The following FYN variants were observed in gnomAD, a reference collection of about 807,000 sequenced individuals.
The protein encoded by FYN is FYN proto-oncogene, Src family tyrosine kinase.
In FYN, 10 loss-of-function variants were observed where a neutral mutation model predicts 70.2. The ratio of observed to expected loss-of-function variants is 0.14; its 90% CI spans 0.09 to 0.24. The LOEUF (loss-of-function observed/expected upper bound fraction) is 0.24, where lower values mean the gene tolerates loss of function less well. FYN is among the 10% of genes least tolerant of loss of function. The pLI is 1.00. For missense variants in FYN, 319 were observed against 673.1 expected (o/e 0.47, Z 5.82); for synonymous variants, 236 against 248.6 (o/e 0.95, Z 0.48).
At chr6:111,665,388 AAGAT>A (rs1320774073) in intron 13 of FYN, among the ~76,000 whole-genome samples, 3 of 152,200 alleles carry the variant, frequency 2.0e-5, no homozygotes, top group African/African-American at 7.2e-5. Flanking sequence ...CACTAACAAA[AAGAT>A]AGGTCTACTT....
chr6:111,737,978 T>C (rs1442534805), intron 3 of FYN, among the ~76,000 whole-genome samples: 1 of 152,234 alleles, frequency 6.6e-6, no homozygotes, highest in Non-Finnish European at 1.5e-5. Context: ...TTTACTTTCC[T>C]GCTAGGCCAG....
At chr6:111,663,982 T>G (rs1797886197) in intron 13 of FYN, among the ~76,000 whole-genome samples, 1 of 152,188 alleles carries the variant, frequency 6.6e-6, no homozygotes, top group African/African-American at 2.4e-5. Context: ...ACCATCAAGT[T>G]TTTGTAACTC....
Position 111,677,312 on chromosome 6 carries a change from T to A in FYN, c.1274-2682A>T, listed in dbSNP as rs563747046. ...TTTTCAAGGAAGACAAAAGGTTAAA[T>A]CAAAGCAGCAATAAGGTATTAATGA... On this transcript the variant is annotated intron_variant, in intron 12 of 13. Transcript: ENST00000354650. Among the ~76,000 whole-genome samples the A allele has an allele frequency of 2.6e-5, 4 of 152,320 alleles. No homozygotes were observed. In the South Asian group the frequency reaches 6.2e-4, roughly 24 times the overall value.
At chr6:111,757,442 G>A (rs556666197) in intron 3 of FYN, among the ~76,000 whole-genome samples, 115 of 152,272 alleles carry the variant, frequency 7.6e-4, no homozygotes, top group Middle Eastern at 3.4e-3. Context: ...AAAATGAGGC[G>A]TTGTAGATGG....
Position 111,694,831 on chromosome 6 carries a change from A to AATAATGC in FYN, c.1043-128_1043-127insGCATTAT. Reference sequence around the variant, plus strand: ...GGAATAATGCCATCCACATGGGGGGACAAAAAGGTTTATATAAAAAAGCAG... The same window carrying AATAATGC: ...GGAATAATGCCATCCACATGGGGGGAATAATGCCAAAAAGGTTTATATAAAAAAGCAG... On this transcript the variant is annotated intron_variant, in intron 10 of 13. Transcript: ENST00000354650. The surrounding 1 kb of genome is among the most constrained non-coding windows in gnomAD (Gnocchi z 5.0). The AATAATGC allele has an allele frequency of 2.7e-6, 2 of 752,520 alleles. No individual in the cohort carries two copies. The highest frequency in any genetic ancestry group is 4.2e-6 in the Non-Finnish European group (2 of 471,424). The allele number at this position is 752,520 out of a possible 1,614,324, so 46.6% of individuals were successfully genotyped here.
intron 5 of FYN, among the ~76,000 whole-genome samples, chr6:111,712,177 C>T (rs1014274890): frequency 1.3e-5 from 2 of 152,208 alleles, no homozygotes; most frequent in East Asian, 1.9e-4. Flanking sequence ...CGCCCTCCAG[C>T]GTAATGCACA....
chr6:111,696,720 C>G lies in FYN; in HGVS notation c.863-264G>C, dbSNP rs967328371. The stretch of plus-strand genomic sequence containing the variant: ...TTAAATTTTGATATATTACCACTCT[C>G]TCTTTTTTTGGCTCAGTCATATGAT... On this transcript the variant is annotated intron_variant, in intron 9 of 13. Transcript: ENST00000354650. 33 of 321,698 alleles carry G rather than the reference C, an allele frequency of 1.0e-4. 1 individual carries two copies. Among genetic ancestry groups the G allele is most frequent in the Non-Finnish European group, 1.1e-5 (2 of 175,354 alleles). 19.9% of individuals were successfully genotyped at this position (321,698 alleles called of 1,614,324 possible).
chr6:111,762,784 G>A (rs1351286261), intron 3 of FYN, among the ~76,000 whole-genome samples: 4 of 151,752 alleles, frequency 2.6e-5, no homozygotes, highest in South Asian at 4.2e-4. Flanking sequence ...CTAATGATAG[G>A]TGATGAGCTT....
intron 2 of FYN, among the ~76,000 whole-genome samples, chr6:111,835,735 A>G (rs1773164273): frequency 6.6e-6 from 1 of 152,212 alleles, no homozygotes; most frequent in Admixed American, 6.5e-5. Context: ...AAGGAAAGGA[A>G]TGTGAGCTGG....
At chr6:111,832,001 C>T (rs911930292) in intron 2 of FYN, among the ~76,000 whole-genome samples, 2 of 152,188 alleles carry the variant, frequency 1.3e-5, no homozygotes, top group African/African-American at 2.4e-5. Context: ...GGACTACACG[C>T]TACACCCAAA....
chr6:111,724,017 GT>G (rs1370031726), intron 3 of FYN, among the ~76,000 whole-genome samples: 2 of 152,302 alleles, frequency 1.3e-5, no homozygotes, highest in Non-Finnish European at 2.9e-5. Flanking sequence ...TGTGATCAAG[GT>G]GTCTGGATTA....
chr6:111,835,029 C>T (rs1348473988), intron 2 of FYN, among the ~76,000 whole-genome samples: 1 of 152,132 alleles, frequency 6.6e-6, no homozygotes, highest in East Asian at 1.9e-4. Context: ...GGTACCATGG[C>T]CTGAATTTAG....
intron 2 of FYN, among the ~76,000 whole-genome samples, chr6:111,796,313 A>G (rs1771802949): frequency 6.6e-6 from 1 of 152,204 alleles, no homozygotes; most frequent in Non-Finnish European, 1.5e-5. Context: ...TACAATGCTG[A>G]TATTTTTTAC....
At chr6:111,729,089 AAT>A (rs1279884479) in intron 3 of FYN, among the ~76,000 whole-genome samples, 4 of 152,218 alleles carry the variant, frequency 2.6e-5, no homozygotes, top group Non-Finnish European at 5.9e-5. Flanking sequence ...CCTTGAAATG[AAT>A]ATGACTCTCT....
At chr6:111,851,888 T>A (rs1291411523) in intron 1 of FYN, among the ~76,000 whole-genome samples, 2 of 147,174 alleles carry the variant, frequency 1.4e-5, no homozygotes, top group Non-Finnish European at 1.5e-5. Flanking sequence ...TTGCCAAATC[T>A]TCCCTTTTTT....
chr6:111,687,526 A>G lies in FYN; in HGVS notation c.1273+6849T>C, dbSNP rs550827393. Among the ~76,000 whole-genome samples, 4 of 146,780 alleles carry G rather than the reference A, an allele frequency of 2.7e-5. No homozygotes were observed. The East Asian group carries it at 8.9e-4, about 33-fold the overall frequency. On this transcript the variant is annotated intron_variant, in intron 12 of 13. Coordinates refer to ENST00000354650, the MANE Select transcript of FYN (RefSeq NM_002037.5). ...CCTTCATGAGGATTCAAATCAGGAG[A>G]AAGGATGATAGAGGCAGAGCCTCCA...
intron 3 of FYN, among the ~76,000 whole-genome samples, chr6:111,774,581 A>C (rs1583431772): frequency 1.4e-5 from 2 of 144,726 alleles, no homozygotes; most frequent in African/African-American, 2.6e-5. Context: ...CCCCCCACAC[A>C]CTCCCAAATG....
intron 5 of FYN, among the ~76,000 whole-genome samples, chr6:111,713,933 G>C (rs1007300214): frequency 2.0e-5 from 3 of 152,264 alleles, no homozygotes; most frequent in African/African-American, 7.2e-5. Context: ...CCTCAAGTGA[G>C]GGCTTAGCTA....
chr6:111,698,019 T>C (rs146504014), intron 9 of FYN, among the ~76,000 whole-genome samples: 1 of 152,052 alleles, frequency 6.6e-6, no homozygotes, highest in Non-Finnish European at 1.5e-5. Flanking sequence ...CATATATATG[T>C]GTATGTCTGT....
Sources: gnomAD v4.1 joint callset for allele counts (sites outside exome capture counted in the v4.1 genomes callset) on GRCh38, gnomAD v4.1.1 for gene constraint, Gnocchi (gnomAD v3.1) non-coding constraint, MANE v1.5 for transcripts, NCBI Gene and HGNC (gene_info 2026-07-23, HGNC 2026-07-21) for gene names.